SLC10A7: variants seen among roughly 807,000 people sequenced by gnomAD.
The protein encoded by SLC10A7 is solute carrier family 10 member 7.
Under a neutral mutation model 43.2 loss-of-function variants are expected in SLC10A7, and 29 were observed. The ratio of observed to expected loss-of-function variants is 0.67; its 90% CI spans 0.50 to 0.92. SLC10A7 has a LOEUF of 0.92. SLC10A7 is among the 40% of genes least tolerant of loss of function. SLC10A7 has a pLI of 0.00. For synonymous variants in SLC10A7, 152 were observed against 144.8 expected (o/e 1.05, Z -0.35); for missense variants, 295 against 403.2 (o/e 0.73, Z 2.30).
chr4:146,379,627 C>T (rs1737456735), intron 5 of SLC10A7, among the ~76,000 whole-genome samples: 1 of 152,154 alleles, frequency 6.6e-6, no homozygotes. Flanking sequence ...AAACCCCAAT[C>T]TTGATAACTG....
rs1739245398 is a variant in SLC10A7, at chr4:146,401,813, G to GTGTA, written c.435+40966_435+40969dup. On this transcript the variant is annotated intron_variant, in intron 5 of 11. Coordinates refer to ENST00000335472, the MANE Select transcript of SLC10A7 (RefSeq NM_001029998.6). The stretch of plus-strand genomic sequence containing the variant: ...AAATAGTAAGTCAAATAATATAGAA[G>GTGTA]TGTAACTTGTACTTTGGGGTGCTTT... Among the ~76,000 whole-genome samples the GTGTA allele has an allele frequency of 3.3e-5, 5 of 152,204 alleles. No individual in the cohort carries two copies. The South Asian group carries it at 1.0e-3, about 32-fold the overall frequency.
At chr4:146,509,193 CCT>C (rs530101462) in intron 3 of SLC10A7, among the ~76,000 whole-genome samples, 30 of 152,276 alleles carry the variant, frequency 2.0e-4, no homozygotes, top group Admixed American at 1.1e-3. Flanking sequence ...TACAACACCC[CCT>C]GAGACTCCCC....
chr4:146,372,295 A>G (rs564102139), intron 5 of SLC10A7, among the ~76,000 whole-genome samples: 1 of 152,092 alleles, frequency 6.6e-6, no homozygotes, highest in East Asian at 1.9e-4. Flanking sequence ...CTCTACAAAA[A>G]ATACAAAAAT....
At chr4:146,516,427 G>A (rs1737970284) in intron 2 of SLC10A7, among the ~76,000 whole-genome samples, 1 of 148,298 alleles carries the variant, frequency 6.7e-6, no homozygotes, top group African/African-American at 2.5e-5. Context: ...GTGTGTGTGT[G>A]TGTATACACA....
chr4:146,440,266 G>A (rs1730496255), intron 5 of SLC10A7, among the ~76,000 whole-genome samples: 1 of 137,068 alleles, frequency 7.3e-6, no homozygotes, highest in South Asian at 2.5e-4. Context: ...TCAGGTTTTA[G>A]GGAGGTCTTT....
At chr4:146,463,202 A>G (rs1732694740) in intron 4 of SLC10A7, among the ~76,000 whole-genome samples, 1 of 152,210 alleles carries the variant, frequency 6.6e-6, no homozygotes, top group Admixed American at 6.5e-5. Context: ...TATTAAATAC[A>G]TGTGTCTATA....
chr4:146,393,736 T>C (rs560312160), intron 5 of SLC10A7, among the ~76,000 whole-genome samples: 7 of 152,288 alleles, frequency 4.6e-5, no homozygotes, highest in African/African-American at 4.8e-5. Context: ...AAAGTTGAAA[T>C]TGGGATAAAT....
Position 146,308,255 on chromosome 4 carries a change from G to A in SLC10A7, c.472-2246C>T, listed in dbSNP as rs560480750. Among the ~76,000 whole-genome samples, 6 of 152,260 alleles carry A rather than the reference G, an allele frequency of 3.9e-5. No individual in the cohort carries two copies. In the South Asian group the frequency reaches 1.0e-3, roughly 26 times the overall value. The stretch of plus-strand genomic sequence containing the variant: ...ATCCCCCAGGATGGCTCCCTTAGAA[G>A]TGGCTCTGAAAGGAAGGAAACCTCA... On this transcript the variant is annotated intron_variant, in intron 6 of 11. Coordinates refer to ENST00000335472, the MANE Select transcript of SLC10A7 (RefSeq NM_001029998.6).
intron 5 of SLC10A7, among the ~76,000 whole-genome samples, chr4:146,421,953 T>C (rs1728994909): frequency 6.6e-6 from 1 of 152,220 alleles, no homozygotes; most frequent in Non-Finnish European, 1.5e-5. Context: ...TTGTCTTGTG[T>C]TTCTTTCTCT....
intron 5 of SLC10A7, among the ~76,000 whole-genome samples, chr4:146,348,849 C>T (rs17021406): frequency 0.029 from 4,481 of 152,192 alleles, 225 homozygotes; most frequent in African/African-American, 0.1. Context: ...GTAACAGTCG[C>T]ACTTTGTCAT....
intron 1 of SLC10A7, among the ~76,000 whole-genome samples, chr4:146,518,474 A>G (rs1289543045): frequency 6.6e-6 from 1 of 152,186 alleles, no homozygotes; most frequent in African/African-American, 2.4e-5. Context: ...AAATCTTGGT[A>G]CATGGCAACA....
intron 7 of SLC10A7, among the ~76,000 whole-genome samples, chr4:146,303,806 C>T (rs1426586439): frequency 6.6e-6 from 1 of 152,142 alleles, no homozygotes; most frequent in African/African-American, 2.4e-5. Context: ...GGTTCTATGA[C>T]AAGAAGTTTA....
At chr4:146,388,737 T>C (rs999196905) in intron 5 of SLC10A7, among the ~76,000 whole-genome samples, 1 of 147,922 alleles carries the variant, frequency 6.8e-6, no homozygotes. Flanking sequence ...CCAGCCTGGT[T>C]GACAGTGTGA....
chr4:146,307,227 C>T (rs187679801), intron 6 of SLC10A7, among the ~76,000 whole-genome samples: 1 of 152,266 alleles, frequency 6.6e-6, no homozygotes, highest in Non-Finnish European at 1.5e-5. Flanking sequence ...ATATATCTGG[C>T]CCATCATTGG....
chr4:146,292,606 T>C (rs1005486592), intron 9 of SLC10A7, among the ~76,000 whole-genome samples: 1 of 152,136 alleles, frequency 6.6e-6, no homozygotes, highest in East Asian at 1.9e-4. Flanking sequence ...AAATGAAACA[T>C]AGGGTTCAAA....
intron 5 of SLC10A7, among the ~76,000 whole-genome samples, chr4:146,422,469 G>T (rs948857275): frequency 6.6e-6 from 1 of 152,074 alleles, no homozygotes; most frequent in African/African-American, 2.4e-5. Context: ...CAGAAGTAAA[G>T]ATTAATATTT....
intron 5 of SLC10A7, among the ~76,000 whole-genome samples, chr4:146,367,273 C>T (rs979494995): frequency 4.6e-5 from 7 of 152,154 alleles, no homozygotes; most frequent in African/African-American, 1.4e-4. Context: ...TGAGGCTTTA[C>T]CTATTATTGT....
chr4:146,272,962 C>T (rs1379729319), intron 10 of SLC10A7, among the ~76,000 whole-genome samples: 1 of 152,016 alleles, frequency 6.6e-6, no homozygotes, highest in African/African-American at 2.4e-5. Flanking sequence ...GAAAGTGTGC[C>T]CCTCATTACT....
intron 5 of SLC10A7, among the ~76,000 whole-genome samples, chr4:146,434,097 T>C (rs1320084966): frequency 6.6e-6 from 1 of 151,996 alleles, no homozygotes; most frequent in African/African-American, 2.4e-5. Flanking sequence ...CAAAATCAAG[T>C]TATCAGAGTA....
Sources: allele counts gnomAD v4.1 joint callset (sites outside exome capture counted in the v4.1 genomes callset), GRCh38; gene constraint gnomAD v4.1.1; transcripts MANE v1.5; gene names NCBI Gene and HGNC (gene_info 2026-07-23, HGNC 2026-07-21).